The following CNTNAP4 variants were observed in gnomAD, a reference collection of about 807,000 sequenced individuals.
The protein encoded by CNTNAP4 is contactin associated protein family member 4, also known as contactin-associated protein-like 4.
In CNTNAP4, 98 loss-of-function variants were observed where a neutral mutation model predicts 148.4. The ratio of observed to expected loss-of-function variants is 0.66; its 90% CI spans 0.56 to 0.78. The LOEUF is 0.78. Ranked by LOEUF, CNTNAP4 falls within the 30% of genes least tolerant of loss-of-function variation. The pLI is 0.00. For synonymous variants in CNTNAP4, 730 were observed against 565.1 expected (o/e 1.29, Z -4.14); for missense variants, 1,935 against 1,565.6 (o/e 1.24, Z -3.98).
At chr16:76,476,147 A>T in intron 11 of CNTNAP4, 102 bp downstream of exon 11, 2 of 731,568 alleles carry the variant, frequency 2.7e-6, no homozygotes, top group Non-Finnish European at 4.6e-6. Flanking sequence ...GTGCAAACTC[A>T]GCATCCAGTG....
At chr16:76,371,615 C>T (rs1376744488) in intron 3 of CNTNAP4, among the ~76,000 whole-genome samples, 2 of 152,136 alleles carry the variant, frequency 1.3e-5, no homozygotes, top group Admixed American at 1.3e-4. Context: ...GGTTACAACA[C>T]ACACTTGGTA....
chr16:76,393,860 T>C (rs2078109346), intron 3 of CNTNAP4, among the ~76,000 whole-genome samples: 1 of 152,124 alleles, frequency 6.6e-6, no homozygotes, highest in African/African-American at 2.4e-5. Flanking sequence ...AGCTATAAAA[T>C]AGCTTAAACA....
intron 1 of CNTNAP4, among the ~76,000 whole-genome samples, chr16:76,314,683 A>G (rs1160722588): frequency 6.6e-6 from 1 of 152,104 alleles, no homozygotes; most frequent in African/African-American, 2.4e-5. Context: ...AACCATAAGC[A>G]TCTGGAGGCT....
At chr16:76,347,813 AAAAG>A (rs1965035203) in intron 2 of CNTNAP4, among the ~76,000 whole-genome samples, 1 of 152,122 alleles carries the variant, frequency 6.6e-6, no homozygotes, top group Admixed American at 6.6e-5. Context: ...GGGAAGAAGA[AAAAG>A]AGAGAAGGTA....
At chr16:76,424,430 C>G (rs1430723166) in intron 3 of CNTNAP4, among the ~76,000 whole-genome samples, 3 of 152,098 alleles carry the variant, frequency 2.0e-5, no homozygotes, top group African/African-American at 7.2e-5. Flanking sequence ...CAAAGCTGCA[C>G]ATTACTCTAA....
intron 3 of CNTNAP4, among the ~76,000 whole-genome samples, chr16:76,383,916 TGTTTGAA>T (rs2016250798): frequency 2.6e-5 from 4 of 152,210 alleles, no homozygotes; most frequent in African/African-American, 4.8e-5. Flanking sequence ...CTTGGTTCTA[TGTTTGAA>T]AATGTCCATA....
At chr16:76,365,443 A>T (rs2013992259) in intron 3 of CNTNAP4, among the ~76,000 whole-genome samples, 1 of 152,218 alleles carries the variant, frequency 6.6e-6, no homozygotes, top group East Asian at 1.9e-4. Context: ...TTTGAAGTGG[A>T]TACAATTATA....
rs372782561 is a variant in CNTNAP4, at chr16:76,491,176, T to C, written c.2080+1293T>C. 4.6e-5 allele frequency among the ~76,000 whole-genome samples: 7 copies of C among 152,200 alleles called. No homozygotes were observed. In the East Asian group the frequency reaches 1.2e-3, roughly 25 times the overall value. On this transcript the variant is annotated intron_variant, in intron 13 of 23. Transcript: ENST00000611870. ...CCTCGTTTTCCTTTTTTAGAATGTT[T>C]TCATTTGGCCTCTACCCCTCCAATC...
chr16:76,469,159 G>C (rs970652243), intron 10 of CNTNAP4, among the ~76,000 whole-genome samples: 13 of 152,114 alleles, frequency 8.5e-5, no homozygotes, highest in Admixed American at 6.5e-4. Flanking sequence ...CAATAAGAGT[G>C]GCAGGACATA....
At chr16:76,312,190 C>T (rs189283507) in intron 1 of CNTNAP4, among the ~76,000 whole-genome samples, 6 of 152,156 alleles carry the variant, frequency 3.9e-5, no homozygotes, top group African/African-American at 1.4e-4. Flanking sequence ...GAAGGCTACC[C>T]TGTGTTTTGT....
At position 76,297,159 on chromosome 16, in the gene CNTNAP4, T is replaced by C. The variant is rs535943233; in HGVS notation, c.86-19254T>C. 4.3e-4 allele frequency among the ~76,000 whole-genome samples: 66 copies of C among 152,330 alleles called. 1 individual carries two copies. In the South Asian group the frequency reaches 0.012, roughly 27 times the overall value. ...TTGCAAGTACAACAAAACAAACAACTGCTCTTTAGAAAGCTATTTTAATTG... is the reference window on the plus strand; with the variant it reads ...TTGCAAGTACAACAAAACAAACAACCGCTCTTTAGAAAGCTATTTTAATTG... On this transcript the variant is annotated intron_variant, in intron 1 of 23. Transcript: ENST00000611870.
chr16:76,341,714 A>G (rs889376955), intron 2 of CNTNAP4, among the ~76,000 whole-genome samples: 1 of 152,204 alleles, frequency 6.6e-6, no homozygotes, highest in African/African-American at 2.4e-5. Flanking sequence ...CAGAGCTAGA[A>G]AAATAGATTT....
chr16:76,357,538 A>C (rs57075082), intron 3 of CNTNAP4, among the ~76,000 whole-genome samples: 2,134 of 152,152 alleles, frequency 0.014, 63 homozygotes, highest in African/African-American at 0.049. Context: ...TGCTTTCTAG[A>C]CTCTGCTGTA....
At chr16:76,309,142 A>G (rs1597144833) in intron 1 of CNTNAP4, among the ~76,000 whole-genome samples, 2 of 152,106 alleles carry the variant, frequency 1.3e-5, no homozygotes, top group East Asian at 3.9e-4. Flanking sequence ...GCTGCTTTTT[A>G]AACATACTTG....
chr16:76,467,505 CAT>C lies in CNTNAP4; in HGVS notation c.1638_1639del (p.Cys547TrpfsTer12). The C allele has an allele frequency of 6.2e-7, 1 of 1,611,626 alleles. No individual in the cohort carries two copies. The highest frequency in any genetic ancestry group is 8.5e-7 in the Non-Finnish European group (1 of 1,179,012). On this transcript the variant is annotated frameshift_variant, in exon 10 of 24. Transcript: ENST00000611870. LOFTEE classifies it high-confidence loss of function. ...AACTTCAGTGACCTTCAGATAGACT[CAT>C]GTGGCATCTCAGACAGGTAAGGGCA...
intron 9 of CNTNAP4, among the ~76,000 whole-genome samples, chr16:76,462,864 G>A (rs780137161): frequency 6.6e-6 from 1 of 152,076 alleles, no homozygotes; most frequent in Non-Finnish European, 1.5e-5. Context: ...TTTTGTCATC[G>A]TTATGTTACA....
chr16:76,278,183 T>C (rs1456865869), intron 1 of CNTNAP4, among the ~76,000 whole-genome samples: 2 of 152,228 alleles, frequency 1.3e-5, no homozygotes, highest in African/African-American at 2.4e-5. Context: ...AAGTTTGCAA[T>C]TGGGCAGACC....
chr16:76,456,549 C>T (rs2080738277), intron 8 of CNTNAP4, among the ~76,000 whole-genome samples: 1 of 152,004 alleles, frequency 6.6e-6, no homozygotes, highest in South Asian at 2.1e-4. Flanking sequence ...TGATTTTTCC[C>T]CACCTTCATT....
In CNTNAP4 at chr16:76,537,515, A is replaced by G. The variant is rs77544844; in HGVS notation, c.2996-601A>G. ...GATATTAATCTCATACCAGGAAAAT[A>G]CTACACTTTTGTAAAATGATTTAAA... On this transcript the variant is annotated intron_variant, in intron 18 of 23. Coordinates refer to ENST00000611870, the MANE Select transcript of CNTNAP4 (RefSeq NM_033401.5). Among the ~76,000 whole-genome samples, 1,081 of 152,246 alleles carry G rather than the reference A, an allele frequency of 7.1e-3. 6 individuals carry two copies. The highest frequency in any genetic ancestry group is 0.012 in the Non-Finnish European group (817 of 67,966).
Sources: gnomAD v4.1 joint callset for allele counts (sites outside exome capture counted in the v4.1 genomes callset) on GRCh38, gnomAD v4.1.1 for gene constraint, MANE v1.5 for transcripts, NCBI Gene and HGNC (gene_info 2026-07-23, HGNC 2026-07-21) for gene names.